ADAMTS19: variants seen among roughly 807,000 people sequenced by gnomAD.
ADAMTS19 encodes ADAM metallopeptidase with thrombospondin type 1 motif 19, also known as A disintegrin and metalloproteinase with thrombospondin motifs 19.
ADAMTS19 carries 93 observed loss-of-function variants against 153.3 expected under a neutral mutation model. The ratio of observed to expected loss-of-function variants is 0.61; its 90% confidence interval spans 0.51 to 0.72. The LOEUF (loss-of-function observed/expected upper bound fraction) is 0.72. ADAMTS19 is among the 30% of genes least tolerant of loss of function. The pLI, the probability that ADAMTS19 is intolerant of heterozygous loss-of-function variation, is 0.00. For synonymous variants in ADAMTS19, 600 were observed against 556.6 expected, an observed-to-expected ratio of 1.08 and a Z score of -1.10; for missense variants, 1,482 against 1,552.1, an observed-to-expected ratio of 0.95 and a Z score of 0.76.
chr5:129,500,521 T>C (rs930716425), intron 2 of ADAMTS19: 2 of 152,152 alleles, frequency 1.3e-5, no homozygotes, highest in African/African-American at 4.8e-5. Flanking sequence ...TCTTCTCAGG[T>C]AGTCACTTGC....
At chr5:129,540,303 T>C (rs954315988) in intron 6 of ADAMTS19, among the ~76,000 whole-genome samples, 3 of 152,130 alleles carry the variant, frequency 2.0e-5, no homozygotes, top group African/African-American at 7.2e-5. Context: ...TGAGGTCATA[T>C]ATTTGTCAAA....
At chr5:129,586,673 G>C (rs1749815953) in intron 7 of ADAMTS19, among the ~76,000 whole-genome samples, 1 of 152,178 alleles carries the variant, frequency 6.6e-6, no homozygotes, top group African/African-American at 2.4e-5. Context: ...ATACTAACTA[G>C]TGTGATTGCT....
chr5:129,558,448 G>T (rs894648630), intron 7 of ADAMTS19, among the ~76,000 whole-genome samples: 2 of 151,918 alleles, frequency 1.3e-5, no homozygotes, highest in Non-Finnish European at 2.9e-5. Context: ...TATATCTAAT[G>T]ACAAATATGT....
intron 10 of ADAMTS19, among the ~76,000 whole-genome samples, chr5:129,632,858 G>A (rs898658843): frequency 7.9e-5 from 12 of 152,076 alleles, no homozygotes; most frequent in Admixed American, 2.6e-4. Context: ...ACTATAATGT[G>A]TCTACATATA....
chr5:129,710,567 G>A (rs1277837746), intron 21 of ADAMTS19, among the ~76,000 whole-genome samples: 3 of 152,178 alleles, frequency 2.0e-5, no homozygotes, highest in Admixed American at 6.5e-5. Flanking sequence ...AGTCAGGATG[G>A]TGATATTAAA....
At chr5:129,661,297 G>T (rs933809087) in intron 15 of ADAMTS19, among the ~76,000 whole-genome samples, 2 of 152,066 alleles carry the variant, frequency 1.3e-5, no homozygotes, top group Admixed American at 6.6e-5. Flanking sequence ...CATAGTATGC[G>T]ATCCATTAAT....
rs1165183347 is a variant in ADAMTS19 at position 129,701,721 on chromosome 5, T to C, written c.3159+129T>C. Reference sequence around the variant, plus strand: ...CTATACTATTTATTAATTTTGTTGATGATTAAAGGAATACATTCAAATAAT... The same window carrying C: ...CTATACTATTTATTAATTTTGTTGACGATTAAAGGAATACATTCAAATAAT... On this transcript the variant is annotated intron_variant, in intron 20 of 22. Transcript: ENST00000274487. The C allele has an allele frequency of 5.7e-6, 5 of 880,564 alleles. No homozygotes were observed. In the African/African-American group the frequency reaches 1.2e-4, roughly 21 times the overall value. The allele number at this position is 880,564 out of a possible 1,614,324, so 54.5% of individuals were successfully genotyped here. A position where few individuals can be genotyped will look rare whatever the true frequency, so the allele number is the denominator to read the frequency against.
At chr5:129,516,775 T>C (rs1581028341) in intron 3 of ADAMTS19, among the ~76,000 whole-genome samples, 1 of 151,858 alleles carries the variant, frequency 6.6e-6, no homozygotes, top group Non-Finnish European at 1.5e-5. Context: ...TTTTGTATTT[T>C]TTATTTCAAT....
intron 8 of ADAMTS19, among the ~76,000 whole-genome samples, chr5:129,618,310 G>T (rs1360753699): frequency 6.6e-6 from 1 of 151,808 alleles, no homozygotes; most frequent in Non-Finnish European, 1.5e-5. Flanking sequence ...TCTATTTGAA[G>T]AAATTAATTA....
chr5:129,701,722 GA>G, intron 20 of ADAMTS19, 130 bp downstream of exon 20: 1 of 581,906 alleles, frequency 1.7e-6, no homozygotes, highest in Non-Finnish European at 2.7e-6. Flanking sequence ...TTTTGTTGAT[GA>G]TTAAAGGAAT....
intron 8 of ADAMTS19, among the ~76,000 whole-genome samples, chr5:129,597,551 T>A (rs1750438646): frequency 6.6e-6 from 1 of 152,106 alleles, no homozygotes; most frequent in South Asian, 2.1e-4. Context: ...ACCTTTGTTA[T>A]GGGATTAGTT....
intron 10 of ADAMTS19, among the ~76,000 whole-genome samples, chr5:129,637,943 CA>C (rs1752607012): frequency 6.6e-6 from 1 of 151,850 alleles, no homozygotes; most frequent in African/African-American, 2.4e-5. Context: ...GAGAAGGAAA[CA>C]ACAGACCCTG....
rs1750808823 is a variant in ADAMTS19, at chr5:129,604,659, G to A, written c.1478+7995G>A. The stretch of plus-strand genomic sequence containing the variant: ...GACTGAACATAGTAATCTTAGTAAA[G>A]TATCATTATGCATAGATTATCAGTG... On this transcript the variant is annotated intron_variant, in intron 8 of 22. Coordinates refer to ENST00000274487, the MANE Select transcript of ADAMTS19 (RefSeq NM_133638.6). 5.3e-5 allele frequency among the ~76,000 whole-genome samples: 8 copies of A among 152,262 alleles called. No homozygotes were observed. In the South Asian group the frequency reaches 1.7e-3, roughly 32 times the overall value.
intron 2 of ADAMTS19, among the ~76,000 whole-genome samples, chr5:129,475,453 A>T (rs1580986120): frequency 1.3e-5 from 2 of 152,346 alleles, no homozygotes; most frequent in African/African-American, 4.8e-5. Flanking sequence ...TCGTGTCAAT[A>T]CCATACTGTA....
At chr5:129,559,363 T>C (rs994438371) in intron 7 of ADAMTS19, among the ~76,000 whole-genome samples, 5 of 152,000 alleles carry the variant, frequency 3.3e-5, no homozygotes, top group Non-Finnish European at 7.4e-5. Context: ...AAGACCATTT[T>C]TGGAAGATAA....
chr5:129,687,277 C>T (rs1453885175), intron 18 of ADAMTS19, among the ~76,000 whole-genome samples: 1 of 152,126 alleles, frequency 6.6e-6, no homozygotes, highest in Non-Finnish European at 1.5e-5. Flanking sequence ...TGATGGTTCA[C>T]CTTATACCAC....
At chr5:129,578,989 T>A (rs900086218) in intron 7 of ADAMTS19, among the ~76,000 whole-genome samples, 12 of 152,332 alleles carry the variant, frequency 7.9e-5, no homozygotes, top group Admixed American at 6.5e-4. Context: ...TTGGTATTTC[T>A]GGTTCTAGAT....
intron 8 of ADAMTS19, among the ~76,000 whole-genome samples, chr5:129,620,166 G>A (rs1426310634): frequency 2.6e-5 from 4 of 151,908 alleles, no homozygotes; most frequent in Non-Finnish European, 5.9e-5. Context: ...TCTAATGAAA[G>A]ACATAGGAAA....
chr5:129,568,465 T>C (rs183778735), intron 7 of ADAMTS19, among the ~76,000 whole-genome samples: 189 of 152,260 alleles, frequency 1.2e-3, no homozygotes, highest in African/African-American at 4.1e-3. Context: ...GTGAATATTA[T>C]GTAATGTAAA....
Sources: allele counts gnomAD v4.1 joint callset (sites outside exome capture counted in the v4.1 genomes callset), GRCh38; gene constraint gnomAD v4.1.1; transcripts MANE v1.5; gene names NCBI Gene and HGNC (gene_info 2026-07-23, HGNC 2026-07-21).